The following ARMH3 variants were observed in gnomAD, a reference collection of about 807,000 sequenced individuals.
The protein encoded by ARMH3 is armadillo like helical domain containing 3.
In ARMH3, 60 loss-of-function variants were observed where a neutral mutation model predicts 99.1. The ratio of observed to expected loss-of-function variants is 0.61; its 90% CI spans 0.49 to 0.75. The LOEUF (loss-of-function observed/expected upper bound fraction) is 0.75, where lower values mean the gene tolerates loss of function less well. ARMH3 is among the 30% of genes least tolerant of loss of function. The probability of loss-of-function intolerance (pLI) is 0.00; values close to 1 mark genes in which losing one functional copy is unlikely to be tolerated. For missense variants in ARMH3, 679 were observed against 843.1 expected (o/e 0.81, Z 2.41); for synonymous variants, 285 against 292.8 (o/e 0.97, Z 0.27).
intron 23 of ARMH3, among the ~76,000 whole-genome samples, chr10:101,915,896 C>T (rs189957914): frequency 4.6e-5 from 7 of 151,912 alleles, no homozygotes; most frequent in African/African-American, 1.7e-4. Flanking sequence ...CTCCACCTCC[C>T]GGGTTCATGC....
rs568036076 is a variant in ARMH3 at position 102,008,561 on chromosome 10, A to T, written c.954+813T>A. On this transcript the variant is annotated intron_variant, in intron 13 of 25. Transcript: ENST00000370033. Reference sequence around the variant, plus strand: ...TTTTGTTATGTTTTGTTTTTATTTTATTTTTTTTTGAGACAGAGTCTCACT... The same window carrying T: ...TTTTGTTATGTTTTGTTTTTATTTTTTTTTTTTTTGAGACAGAGTCTCACT... 3.9e-3 allele frequency among the ~76,000 whole-genome samples: 574 copies of T among 146,600 alleles called. 6 individuals are homozygous for T. The highest frequency in any genetic ancestry group is 5.2e-3 in the East Asian group (26 of 5,000).
At chr10:102,001,040 C>G (rs560558259) in intron 15 of ARMH3, among the ~76,000 whole-genome samples, 1 of 152,218 alleles carries the variant, frequency 6.6e-6, no homozygotes, top group East Asian at 1.9e-4. Flanking sequence ...TGGTCTTGAA[C>G]TCCTGGCCTC....
At chr10:102,015,673 A>G (rs964678532) in intron 8 of ARMH3, among the ~76,000 whole-genome samples, 9 of 152,188 alleles carry the variant, frequency 5.9e-5, no homozygotes, top group Non-Finnish European at 1.2e-4. Context: ...TACAGGCGTG[A>G]GCCACTGCAC....
At chr10:101,923,955 C>G (rs1349728097) in intron 23 of ARMH3, among the ~76,000 whole-genome samples, 6 of 152,170 alleles carry the variant, frequency 3.9e-5, no homozygotes, top group Non-Finnish European at 8.8e-5. Flanking sequence ...TTTCAGTCTT[C>G]AAGGCCATTT....
chr10:102,019,098 G>A (rs1008611340), intron 8 of ARMH3, among the ~76,000 whole-genome samples: 2 of 152,048 alleles, frequency 1.3e-5, no homozygotes, highest in African/African-American at 2.4e-5. Context: ...ACTCAGGCTG[G>A]AGTGTAGTGG....
rs894277466 is a variant in ARMH3, at chr10:101,905,083, G to A, written c.1782-15593C>T. On this transcript the variant is annotated intron_variant, in intron 23 of 25. Coordinates refer to ENST00000370033, the MANE Select transcript of ARMH3 (RefSeq NM_024541.3). ...AGCTATTAAGACTATATTTCCTATT[G>A]TCTGTTAAGATCTGAAGCAGACTTT... 4.3e-4 allele frequency among the ~76,000 whole-genome samples: 65 copies of A among 151,852 alleles called. 1 individual carries two copies. The highest frequency in any genetic ancestry group is 8.5e-4 in the Non-Finnish European group (58 of 67,940).
At chr10:102,011,670 C>T (rs2066630811) in intron 11 of ARMH3, 53 bp downstream of exon 11, 1 of 1,489,994 alleles carries the variant, frequency 6.7e-7, no homozygotes, top group Non-Finnish European at 9.2e-7. Context: ...TCCACCCCTG[C>T]AGACCACACT....
intron 25 of ARMH3, 130 bp from the exon 26 acceptor site, chr10:101,847,750 C>T (rs2135243658): frequency 3.8e-6 from 3 of 779,470 alleles, no homozygotes; most frequent in African/African-American, 3.4e-5. Context: ...GGAAATGAAC[C>T]CTTAACAGCT....
rs890853733 is a variant in ARMH3 at position 101,846,361 on chromosome 10, G to C, written c.*1167C>G. 6.6e-6 allele frequency: 1 copy of C among 152,216 alleles called. No individual in the cohort carries two copies. Among genetic ancestry groups the C allele is most frequent in the Non-Finnish European group, 1.5e-5 (1 of 68,056 alleles). The allele number at this position is 152,216 out of a possible 1,614,324, so 9.4% of individuals were successfully genotyped here. A position where few individuals can be genotyped will look rare whatever the true frequency, so the allele number is the denominator to read the frequency against. Reference sequence around the variant, plus strand: ...AGCAGAGGCAGGAGAGGCTGCCAGAGGAGGGGGGGCTAAGGGAGGTGGGGG... The same window carrying C: ...AGCAGAGGCAGGAGAGGCTGCCAGACGAGGGGGGGCTAAGGGAGGTGGGGG... On this transcript the variant is annotated 3_prime_UTR_variant, in exon 26 of 26. Transcript: ENST00000370033.
At chr10:102,028,356 TG>T (rs1037805253) in intron 5 of ARMH3, among the ~76,000 whole-genome samples, 1 of 152,090 alleles carries the variant, frequency 6.6e-6, no homozygotes, top group African/African-American at 2.4e-5. Context: ...CAAGACCAGC[TG>T]GGTCAACATA....
intron 2 of ARMH3, among the ~76,000 whole-genome samples, chr10:102,037,127 C>T (rs190632659): frequency 6.6e-6 from 1 of 151,140 alleles, no homozygotes; most frequent in Non-Finnish European, 1.5e-5. Context: ...CTAATGTCAT[C>T]ACTAGTTAAG....
chr10:102,014,956 A>G (rs910241255), intron 8 of ARMH3, among the ~76,000 whole-genome samples: 1 of 152,138 alleles, frequency 6.6e-6, no homozygotes, highest in African/African-American at 2.4e-5. Flanking sequence ...AAAAACTCAT[A>G]ACTAAGAAAC....
intron 23 of ARMH3, among the ~76,000 whole-genome samples, chr10:101,930,292 C>A (rs896076483): frequency 6.6e-6 from 1 of 152,066 alleles, no homozygotes; most frequent in Non-Finnish European, 1.5e-5. Flanking sequence ...AGCCAACAAA[C>A]TAAGAACAGA....
chr10:102,048,004 C>T (rs1261690709), intron 1 of ARMH3, among the ~76,000 whole-genome samples: 1 of 152,164 alleles, frequency 6.6e-6, no homozygotes, highest in Admixed American at 6.6e-5. Context: ...TCCAGCCCAA[C>T]ATGTCAATAT....
intron 23 of ARMH3, among the ~76,000 whole-genome samples, chr10:101,895,373 G>A (rs913419035): frequency 6.0e-5 from 9 of 150,252 alleles, no homozygotes; most frequent in Non-Finnish European, 7.4e-5. Flanking sequence ...TCCACCTCCC[G>A]GGTTCACGCC....
chr10:101,972,595 C>T (rs981412529), intron 20 of ARMH3, among the ~76,000 whole-genome samples: 1 of 152,184 alleles, frequency 6.6e-6, no homozygotes, highest in Non-Finnish European at 1.5e-5. Flanking sequence ...GCCATAGACA[C>T]ACTTGTATTC....
chr10:101,876,394 G>C (rs183248869), intron 24 of ARMH3, among the ~76,000 whole-genome samples: 24 of 152,214 alleles, frequency 1.6e-4, no homozygotes, highest in Non-Finnish European at 2.5e-4. Context: ...GAAAGGGAGA[G>C]AGAAAACATT....
At chr10:101,945,775 C>T (rs1026309468) in intron 22 of ARMH3, among the ~76,000 whole-genome samples, 2 of 150,756 alleles carry the variant, frequency 1.3e-5, no homozygotes, top group African/African-American at 4.9e-5. Flanking sequence ...GTGTATACAA[C>T]ATAACATTAA....
intron 1 of ARMH3, among the ~76,000 whole-genome samples, chr10:102,046,633 C>T (rs868865759): frequency 1.3e-5 from 2 of 152,154 alleles, no homozygotes; most frequent in Middle Eastern, 6.8e-3. Context: ...GCCTGGGCAA[C>T]GAATGAAACT....
Sources: gnomAD v4.1 joint callset for allele counts (sites outside exome capture counted in the v4.1 genomes callset) on GRCh38, gnomAD v4.1.1 for gene constraint, MANE v1.5 for transcripts, NCBI Gene and HGNC (gene_info 2026-07-23, HGNC 2026-07-21) for gene names.